EPHB1: variants seen among roughly 807,000 people sequenced by gnomAD.
The protein encoded by EPHB1 is EPH receptor B1.
Under a neutral mutation model 94.4 loss-of-function variants are expected in EPHB1, and 30 were observed. That is an observed-to-expected ratio of 0.32 (90% CI 0.24 to 0.43). The LOEUF is 0.43. Among genes scored for constraint, EPHB1 ranks in the 20% least tolerant of loss-of-function variants. EPHB1 has a pLI of 1.00. For synonymous variants in EPHB1, 522 were observed against 489.1 expected, an observed-to-expected ratio of 1.07 and a Z score of -0.89; for missense variants, 1,055 against 1,308.3, an observed-to-expected ratio of 0.81 and a Z score of 2.99.
chr3:135,027,941 G>A (rs1355470188), intron 3 of EPHB1, among the ~76,000 whole-genome samples: 1 of 142,536 alleles, frequency 7.0e-6, no homozygotes, highest in Non-Finnish European at 1.5e-5. Context: ...CTTCTTCCTG[G>A]TTTAGTCTTG....
chr3:135,036,032 T>G (rs1936634569), intron 3 of EPHB1, among the ~76,000 whole-genome samples: 1 of 152,224 alleles, frequency 6.6e-6, no homozygotes, highest in African/African-American at 2.4e-5. Flanking sequence ...TTCCATCCAC[T>G]CGTCTCTCCA....
chr3:134,798,469 C>T (rs1212866504), intron 1 of EPHB1, among the ~76,000 whole-genome samples: 2 of 152,184 alleles, frequency 1.3e-5, no homozygotes, highest in African/African-American at 2.4e-5. Flanking sequence ...AAAAGCTCCT[C>T]TTCCCTCCTT....
chr3:134,922,501 A>C (rs1482621098), intron 1 of EPHB1, among the ~76,000 whole-genome samples: 3 of 152,260 alleles, frequency 2.0e-5, no homozygotes, highest in Non-Finnish European at 2.9e-5. Flanking sequence ...TAATTACAGC[A>C]CTAGAGCAGG....
Position 134,820,440 on chromosome 3 carries a change from A to G in EPHB1, c.58+24751A>G, listed in dbSNP as rs920501097. On this transcript the variant is annotated intron_variant, in intron 1 of 15. Coordinates refer to ENST00000398015, the MANE Select transcript of EPHB1 (RefSeq NM_004441.5). The stretch of plus-strand genomic sequence containing the variant: ...CTTCCCTCCCTTCCTTCCAGTGTTT[A>G]CAGAATGCCCCCTTGGACCAGAAAC... Among the ~76,000 whole-genome samples the G allele has an allele frequency of 3.9e-5, 6 of 152,068 alleles. No homozygotes were observed. The East Asian group carries it at 9.7e-4, about 24-fold the overall frequency.
At chr3:135,053,759 G>T (rs1021030663) in intron 3 of EPHB1, among the ~76,000 whole-genome samples, 1 of 152,168 alleles carries the variant, frequency 6.6e-6, no homozygotes, top group East Asian at 1.9e-4. Context: ...GGCTGAGGTA[G>T]CAAGACCACT....
intron 1 of EPHB1, among the ~76,000 whole-genome samples, chr3:134,879,545 A>T (rs78759197): frequency 6.6e-6 from 1 of 152,174 alleles, no homozygotes; most frequent in Non-Finnish European, 1.5e-5. Flanking sequence ...CCAACTACTC[A>T]GGAGGCTGAG....
rs529788874 is a variant in EPHB1, at chr3:134,909,120, G to GAGGGT, written c.59-16696_59-16695insAGGGT. ...CAGTACACACAAGGTGGGGGCGGGG[G>GAGGGT]GCGGGCTGGAAGAAAAGCTGATGGA... On this transcript the variant is annotated intron_variant, in intron 1 of 15. Coordinates refer to ENST00000398015, the MANE Select transcript of EPHB1 (RefSeq NM_004441.5). 1.8e-5 allele frequency among the ~76,000 whole-genome samples: 2 copies of GAGGGT among 110,574 alleles called. 1 individual carries two copies. Among genetic ancestry groups the GAGGGT allele is most frequent in the African/African-American group, 7.3e-5 (2 of 27,408 alleles). The allele number at this position is 110,574 out of a possible 152,430, so 72.5% of individuals were successfully genotyped here. A position where few individuals can be genotyped will look rare whatever the true frequency, so the allele number is the denominator to read the frequency against.
At chr3:135,024,138 A>C (rs150073565) in intron 3 of EPHB1, among the ~76,000 whole-genome samples, 2 of 152,304 alleles carry the variant, frequency 1.3e-5, no homozygotes, top group African/African-American at 4.8e-5. Flanking sequence ...ATCAGCTTAC[A>C]GTCTCTACCT....
At chr3:135,051,980 A>G (rs1009952352) in intron 3 of EPHB1, among the ~76,000 whole-genome samples, 2 of 152,218 alleles carry the variant, frequency 1.3e-5, no homozygotes, top group African/African-American at 4.8e-5. Context: ...TTCATGAACT[A>G]TATAAAAATC....
At chr3:134,978,814 G>C (rs774737856) in intron 3 of EPHB1, among the ~76,000 whole-genome samples, 2 of 152,248 alleles carry the variant, frequency 1.3e-5, no homozygotes, top group Non-Finnish European at 2.9e-5. Flanking sequence ...ACCTAGCATG[G>C]TGGAGCTATT....
At chr3:134,865,099 TGA>T (rs1198662711) in intron 1 of EPHB1, among the ~76,000 whole-genome samples, 1 of 152,006 alleles carries the variant, frequency 6.6e-6, no homozygotes, top group Non-Finnish European at 1.5e-5. Context: ...TGTGTGTGTG[TGA>T]GAGAGAGAGT....
chr3:135,031,089 C>A (rs191493474), intron 3 of EPHB1, among the ~76,000 whole-genome samples: 1 of 152,144 alleles, frequency 6.6e-6, no homozygotes, highest in Admixed American at 6.5e-5. Context: ...GGCTCGTGCA[C>A]GGTGCGCGCA....
intron 1 of EPHB1, among the ~76,000 whole-genome samples, chr3:134,854,322 G>A (rs931292403): frequency 6.6e-6 from 1 of 152,110 alleles, no homozygotes; most frequent in Non-Finnish European, 1.5e-5. Context: ...CCTGAAAGGA[G>A]CCGTTTGGGA....
At chr3:135,170,267 C>G (rs566302056) in intron 9 of EPHB1, among the ~76,000 whole-genome samples, 1 of 152,280 alleles carries the variant, frequency 6.6e-6, no homozygotes, top group South Asian at 2.1e-4. Context: ...TGTTTGCAAA[C>G]AGAATACCTT....
At chr3:135,021,515 C>G (rs1346895918) in intron 3 of EPHB1, among the ~76,000 whole-genome samples, 1 of 150,670 alleles carries the variant, frequency 6.6e-6, no homozygotes, top group Non-Finnish European at 1.5e-5. Context: ...CCACCCCCCA[C>G]CGGTTTACTT....
intron 3 of EPHB1, among the ~76,000 whole-genome samples, chr3:135,088,213 C>T (rs1938430091): frequency 6.6e-6 from 1 of 152,064 alleles, no homozygotes; most frequent in Admixed American, 6.5e-5. Flanking sequence ...ATGTCCCCAC[C>T]CCCTTAGATA....
chr3:135,031,591 T>TGAGCC (rs2107760798), intron 3 of EPHB1, among the ~76,000 whole-genome samples: 1 of 152,362 alleles, frequency 6.6e-6, no homozygotes, highest in Non-Finnish European at 1.5e-5. Flanking sequence ...GTTATAGGCA[T>TGAGCC]GAGCCACTGC....
intron 1 of EPHB1, among the ~76,000 whole-genome samples, chr3:134,846,090 A>G (rs2036866945): frequency 6.6e-6 from 1 of 152,156 alleles, no homozygotes; most frequent in South Asian, 2.1e-4. Context: ...TCCTCTGATC[A>G]GTATGGTGTT....
intron 1 of EPHB1, among the ~76,000 whole-genome samples, chr3:134,884,494 A>C (rs991639209): frequency 6.6e-6 from 1 of 152,216 alleles, no homozygotes; most frequent in Non-Finnish European, 1.5e-5. Context: ...AATTCGTTTG[A>C]TCAGAAGGTG....
Sources: gnomAD v4.1 joint callset for allele counts (sites outside exome capture counted in the v4.1 genomes callset) on GRCh38, gnomAD v4.1.1 for gene constraint, MANE v1.5 for transcripts, NCBI Gene and HGNC (gene_info 2026-07-23, HGNC 2026-07-21) for gene names.